Variants in STK3 observed in about 807,000 individuals in gnomAD.
STK3 encodes the protein serine/threonine kinase 3.
In STK3, 41 loss-of-function variants were observed where a neutral mutation model predicts 58.0. The observed-to-expected ratio is 0.71, with a 90% CI of 0.55 to 0.92. The LOEUF (loss-of-function observed/expected upper bound fraction) is 0.92, where lower values mean the gene tolerates loss of function less well. Ranked by LOEUF, STK3 falls within the 40% of genes least tolerant of loss-of-function variation. STK3 has a pLI of 0.00. For missense variants in STK3, 479 were observed against 602.7 expected, an observed-to-expected ratio of 0.79 and a Z score of 2.15; for synonymous variants, 170 against 191.0, an observed-to-expected ratio of 0.89 and a Z score of 0.91.
intron 10 of STK3, among the ~76,000 whole-genome samples, chr8:98,483,010 T>C (rs189587763): frequency 1.3e-5 from 2 of 152,216 alleles, no homozygotes; most frequent in Admixed American, 1.3e-4. Context: ...GAACAATCTT[T>C]TAGGACAAAT....
chr8:98,446,800 C>T (rs1234767576), intron 1 of STK3, among the ~76,000 whole-genome samples: 1 of 152,098 alleles, frequency 6.6e-6, no homozygotes, highest in Non-Finnish European at 1.5e-5. Flanking sequence ...ATGTTCATTG[C>T]TGCATCACTC....
chr8:98,402,012 AT>A (rs1239516309), intron 3 of STK3, among the ~76,000 whole-genome samples: 1 of 152,200 alleles, frequency 6.6e-6, no homozygotes, highest in Non-Finnish European at 1.5e-5. Context: ...ACCACTATTA[AT>A]GTTTGGTAAA....
chr8:98,359,958 C>T, the STK3 span, among the ~76,000 whole-genome samples: 3 of 152,084 alleles, frequency 2.0e-5, no homozygotes, highest in Non-Finnish European at 4.4e-5. Flanking sequence ...TTTTCAGGGG[C>T]ATGGGAAGGG....
At chr8:98,484,957 T>G (rs1822128675) in intron 10 of STK3, among the ~76,000 whole-genome samples, 1 of 152,170 alleles carries the variant, frequency 6.6e-6, no homozygotes, top group Non-Finnish European at 1.5e-5. Flanking sequence ...AGAATTTTAT[T>G]GGCCGGGTAC....
chr8:98,770,939 A>G (rs982064754), intron 2 of STK3, among the ~76,000 whole-genome samples: 1 of 152,238 alleles, frequency 6.6e-6, no homozygotes, highest in Non-Finnish European at 1.5e-5. Flanking sequence ...CATTTAAAAA[A>G]AAACTATAAT....
intron 8 of STK3, among the ~76,000 whole-genome samples, chr8:98,557,715 G>C (rs1182650363): frequency 6.6e-6 from 1 of 152,088 alleles, no homozygotes; most frequent in African/African-American, 2.4e-5. Context: ...CTGTAAGTAG[G>C]TGGTCTTTCC....
At chr8:98,728,362 C>T (rs1212236107) in intron 4 of STK3, among the ~76,000 whole-genome samples, 1 of 152,074 alleles carries the variant, frequency 6.6e-6, no homozygotes, top group Non-Finnish European at 1.5e-5. Flanking sequence ...AACCATTATT[C>T]GAGAGGGCAG....
chr8:98,447,511 T>C (rs1171271468), intron 1 of STK3, among the ~76,000 whole-genome samples: 4 of 149,984 alleles, frequency 2.7e-5, no homozygotes, highest in Non-Finnish European at 4.4e-5. Context: ...CACAGACAAA[T>C]ATTGCATGTA....
At position 98,587,676 on chromosome 8, in the gene STK3, C is replaced by G. The variant is rs1191448756; in HGVS notation, c.823-7887G>C. 2.0e-5 allele frequency among the ~76,000 whole-genome samples: 3 copies of G among 152,032 alleles called. No individual in the cohort carries two copies. The East Asian group carries it at 5.8e-4, about 29-fold the overall frequency. ...CTTGTTGACTTTCTGTCTCGTTGAT[C>G]TGTCTAATGTTGACAGTGGGGTGTT... is the stretch of plus-strand genomic sequence containing the variant. On this transcript the variant is annotated intron_variant, in intron 7 of 10. Coordinates refer to ENST00000419617, the MANE Select transcript of STK3 (RefSeq NM_006281.4).
intron 1 of STK3, among the ~76,000 whole-genome samples, chr8:98,933,557 G>A (rs1309002276): frequency 6.6e-6 from 1 of 152,170 alleles, no homozygotes; most frequent in Non-Finnish European, 1.5e-5. Context: ...AAATAAATGT[G>A]TAATAGGAAC....
chr8:98,666,523 T>C (rs535943761), intron 6 of STK3, among the ~76,000 whole-genome samples: 1 of 152,332 alleles, frequency 6.6e-6, no homozygotes, highest in East Asian at 1.9e-4. Flanking sequence ...TATTTCTTAA[T>C]ACACAAGGCA....
At chr8:98,442,634 G>T (rs1818739593) in intron 1 of STK3, among the ~76,000 whole-genome samples, 1 of 152,226 alleles carries the variant, frequency 6.6e-6, no homozygotes, top group Admixed American at 6.5e-5. Flanking sequence ...CGGCTTAGCA[G>T]CATTACGAAT....
At chr8:98,597,931 C>G (rs1475937091) in intron 6 of STK3, 22 of 984,876 alleles carry the variant, frequency 2.2e-5, no homozygotes, top group Non-Finnish European at 2.7e-5. Flanking sequence ...ACAGTTGAGG[C>G]AGAACCTAAT....
upstream of STK3, among the ~76,000 whole-genome samples, chr8:98,829,896 A>T (rs1835462184): frequency 6.6e-6 from 1 of 152,196 alleles, no homozygotes; most frequent in African/African-American, 2.4e-5. Context: ...GAAAACTGGT[A>T]AGGAAGAAAA....
At chr8:98,462,347 G>A (rs538111850) in intron 10 of STK3, among the ~76,000 whole-genome samples, 91 of 152,112 alleles carry the variant, frequency 6.0e-4, no homozygotes, top group Non-Finnish European at 8.2e-4. Context: ...GAGTACATTC[G>A]TGTGCCATAT....
chr8:98,668,601 T>C (rs1822542810), intron 6 of STK3, among the ~76,000 whole-genome samples: 1 of 152,174 alleles, frequency 6.6e-6, no homozygotes, highest in Admixed American at 6.5e-5. Context: ...ATAAAAATAA[T>C]ACAAAATCTT....
At chr8:98,542,456 T>C (rs1481804456) in intron 9 of STK3, among the ~76,000 whole-genome samples, 1 of 152,134 alleles carries the variant, frequency 6.6e-6, no homozygotes, top group Non-Finnish European at 1.5e-5. Flanking sequence ...TCAGTTCATT[T>C]TGGAGATCAT....
At chr8:98,640,286 G>A (rs1819918246) in intron 6 of STK3, among the ~76,000 whole-genome samples, 1 of 152,138 alleles carries the variant, frequency 6.6e-6, no homozygotes, top group Non-Finnish European at 1.5e-5. Context: ...CTGAGCTCAA[G>A]TGATCTGCCT....
At position 98,473,537 on chromosome 8, in the gene STK3, T is replaced by C. The variant is rs35871945; in HGVS notation, c.1318-17537A>G. Among the ~76,000 whole-genome samples the C allele has an allele frequency of 5.9e-3, 895 of 152,262 alleles. 4 individuals are homozygous for C. Among genetic ancestry groups the C allele is most frequent in the Middle Eastern group, 0.014 (4 of 294 alleles). On this transcript the variant is annotated intron_variant, in intron 10 of 10. Transcript: ENST00000419617. ...ACTTCTCAAAGTATGGAGAAAACAA[T>C]AACCATATTTTAAATTGGCAATCAA...
Sources: gnomAD v4.1 joint callset for allele counts (sites outside exome capture counted in the v4.1 genomes callset) on GRCh38, gnomAD v4.1.1 for gene constraint, MANE v1.5 for transcripts, NCBI Gene and HGNC (gene_info 2026-07-23, HGNC 2026-07-21) for gene names.